Variants in PTPN12 observed in about 807,000 individuals in gnomAD.
PTPN12 encodes protein tyrosine phosphatase non-receptor type 12.
PTPN12 carries 29 observed loss-of-function variants against 97.6 expected under a neutral mutation model. The ratio of observed to expected loss-of-function variants is 0.30; its 90% CI spans 0.22 to 0.41. The LOEUF (loss-of-function observed/expected upper bound fraction) is 0.41. Among genes scored for constraint, PTPN12 ranks in the 10% least tolerant of loss-of-function variants. The pLI, the probability that PTPN12 is intolerant of heterozygous loss-of-function variation, is 1.00. For missense variants in PTPN12, 819 were observed against 926.0 expected (o/e 0.88, Z 1.50); for synonymous variants, 327 against 300.4 (o/e 1.09, Z -0.91).
chr7:77,546,840 A>G (rs1807243291), intron 1 of PTPN12, among the ~76,000 whole-genome samples: 1 of 152,222 alleles, frequency 6.6e-6, no homozygotes, highest in Non-Finnish European at 1.5e-5. Context: ...GAGAATGAAC[A>G]TGGGAGGAAC....
At chr7:77,605,744 C>T (rs118102496) in intron 8 of PTPN12, among the ~76,000 whole-genome samples, 2 of 151,734 alleles carry the variant, frequency 1.3e-5, no homozygotes, top group Admixed American at 6.6e-5. Context: ...AATAAAAAAA[C>T]CTATGGTATG....
chr7:77,600,015 C>G (rs1220053544), intron 7 of PTPN12, among the ~76,000 whole-genome samples: 2 of 152,052 alleles, frequency 1.3e-5, no homozygotes, highest in East Asian at 1.9e-4. Flanking sequence ...ATTGTATTGG[C>G]TGTTAAAGAA....
chr7:77,564,788 T>C (rs1384482735), intron 1 of PTPN12, among the ~76,000 whole-genome samples: 1 of 109,456 alleles, frequency 9.1e-6, no homozygotes, highest in Non-Finnish European at 1.8e-5. Context: ...AGACGGAATC[T>C]CGCCCTTGTG....
At chr7:77,571,019 A>G (rs1584124501) in intron 1 of PTPN12, 59 bp from the exon 2 acceptor site, 1 of 1,192,382 alleles carries the variant, frequency 8.4e-7, no homozygotes, top group East Asian at 2.9e-5. Flanking sequence ...AGATTTCATT[A>G]AAAATTTGAA....
intron 15 of PTPN12, among the ~76,000 whole-genome samples, chr7:77,636,086 C>A (rs1789580143): frequency 6.6e-6 from 1 of 152,092 alleles, no homozygotes; most frequent in South Asian, 2.1e-4. Flanking sequence ...GTATTGTTTT[C>A]TCAAGCTGTT....
intron 1 of PTPN12, among the ~76,000 whole-genome samples, chr7:77,569,512 T>G (rs756462057): frequency 3.5e-4 from 54 of 152,220 alleles, no homozygotes; most frequent in Non-Finnish European, 7.6e-4. Context: ...GGCTCACACC[T>G]GTAATCTCAG....
At chr7:77,582,906 A>G (rs1399696224) in intron 3 of PTPN12, among the ~76,000 whole-genome samples, 1 of 152,238 alleles carries the variant, frequency 6.6e-6, no homozygotes, top group South Asian at 2.1e-4. Flanking sequence ...ACATTAAATA[A>G]AAACTAATAA....
chr7:77,635,738 A>G, intron 14 of PTPN12, 44 bp from the exon 15 acceptor site: 1 of 1,296,606 alleles, frequency 7.7e-7, no homozygotes, highest in South Asian at 1.4e-5. Context: ...AAGAAATTTC[A>G]GAAATTCAAG....
At chr7:77,604,788 A>C (rs1282426037) in intron 8 of PTPN12, 1 of 294,046 alleles carries the variant, frequency 3.4e-6, no homozygotes, top group Non-Finnish European at 6.7e-6. Flanking sequence ...CAATATGTTT[A>C]TATCATATAT....
At chr7:77,589,469 C>T (rs1787797443) in intron 5 of PTPN12, among the ~76,000 whole-genome samples, 1 of 152,044 alleles carries the variant, frequency 6.6e-6, no homozygotes, top group South Asian at 2.1e-4. Flanking sequence ...TTACAAATTA[C>T]ATAGTGATTT....
intron 6 of PTPN12, among the ~76,000 whole-genome samples, chr7:77,596,178 C>A (rs1788018037): frequency 6.6e-6 from 1 of 152,134 alleles, no homozygotes; most frequent in Admixed American, 6.6e-5. Context: ...TTCGTTTAGA[C>A]ACTTTTTTTT....
In PTPN12 at chr7:77,592,229, A is replaced by C. The variant is rs923340603; in HGVS notation, c.465A>C (p.Ile155=). ...GGCCTTTGTATGGAGAAGACCCCATAACGTTTGCACCATTTAAAATTTCTT... is the reference window on the plus strand; with the variant it reads ...GGCCTTTGTATGGAGAAGACCCCATCACGTTTGCACCATTTAAAATTTCTT... The part of the protein sequence containing the change: ...RYWPLYGEDP[I]TFAPFKISCE... Residue 155 remains isoleucine (I), a synonymous_variant, in exon 6 of 18, where the codon ATA becomes ATC. Coordinates refer to ENST00000248594, the MANE Select transcript of PTPN12 (RefSeq NM_002835.4). The C allele has an allele frequency of 1.9e-6, 3 of 1,606,464 alleles. No homozygotes were observed. In the African/African-American group the frequency reaches 4.0e-5, roughly 22 times the overall value.
chr7:77,628,482 A>T (rs1789280359), intron 13 of PTPN12, among the ~76,000 whole-genome samples: 1 of 152,128 alleles, frequency 6.6e-6, no homozygotes, highest in Non-Finnish European at 1.5e-5. Context: ...TCACTTACCT[A>T]TCAGTGAACT....
rs11341609 is a variant in PTPN12, at chr7:77,582,084, C to CTTTTTTTTTTTTTTTTTTTTTTT, written c.285+587_285+609dup. Among the ~76,000 whole-genome samples, 11 of 52,868 alleles carry CTTTTTTTTTTTTTTTTTTTTTTT rather than the reference C, an allele frequency of 2.1e-4. 2 individuals carry two copies. Among genetic ancestry groups the CTTTTTTTTTTTTTTTTTTTTTTT allele is most frequent in the Non-Finnish European group, 2.3e-4 (7 of 30,310 alleles). The allele number at this position is 52,868 out of a possible 152,430, so 34.7% of individuals were successfully genotyped here. On this transcript the variant is annotated intron_variant, in intron 3 of 17. Coordinates refer to ENST00000248594, the MANE Select transcript of PTPN12 (RefSeq NM_002835.4). ...CCCTTTGATGAAAAGCAGTCAAGTT[C>CTTTTTTTTTTTTTTTTTTTTTTT]TTTTTTTTTTTTTTTTTTTTTTTTT...
rs1789229742 is a variant in PTPN12 at position 77,627,302 on chromosome 7, T to C, written c.1623T>C (p.Pro541=). Residue 541 remains proline (P), a synonymous_variant, in exon 13 of 18, where the codon CCT becomes CCC. Transcript: ENST00000248594. ...ATGTAACGTGGTCATTTCATGGACC[T>C]GAAAATGCCATACCCATACCTGATT... The part of the protein sequence containing the change: ...KGHVTWSFHG[P]ENAIPIPDLS... 6.2e-7 allele frequency: 1 copy of C among 1,614,196 alleles called. No homozygotes were observed. The highest frequency in any genetic ancestry group is 1.1e-5 in the South Asian group (1 of 91,082).
rs373325065 is a variant in PTPN12, at chr7:77,600,542, T to C, written c.553-122T>C. ...AAGTGTTGGCTATTATTTATTTGGG[T>C]TTTTTTAAAAGCAGTGCTAAATGCC... On this transcript the variant is annotated intron_variant, in intron 7 of 17. Transcript: ENST00000248594. 39 of 774,462 alleles carry C rather than the reference T, an allele frequency of 5.0e-5. 1 individual carries two copies. The highest frequency in any genetic ancestry group is 3.0e-4 in the East Asian group (11 of 36,300). 48.0% of individuals were successfully genotyped at this position (774,462 alleles called of 1,614,324 possible).
intron 2 of PTPN12, 100 bp downstream of exon 2, chr7:77,571,286 A>G: frequency 1.5e-6 from 1 of 684,566 alleles, no homozygotes; most frequent in Non-Finnish European, 2.5e-6. Context: ...TTAAGGAAGT[A>G]GTAATTAACC....
chr7:77,618,667 T>G lies in PTPN12; in HGVS notation c.1025+102T>G, dbSNP rs1161873428. ...AATATTTCTAAATTACTTTTATAACTTTTATTATTATTTTGTTAGGATGTA... is the reference window on the plus strand; with the variant it reads ...AATATTTCTAAATTACTTTTATAACGTTTATTATTATTTTGTTAGGATGTA... On this transcript the variant is annotated intron_variant, in intron 12 of 17. Coordinates refer to ENST00000248594, the MANE Select transcript of PTPN12 (RefSeq NM_002835.4). 7 of 778,694 alleles carry G rather than the reference T, an allele frequency of 9.0e-6. No individual in the cohort carries two copies. The East Asian group carries it at 1.7e-4, about 19-fold the overall frequency. 48.2% of individuals were successfully genotyped at this position (778,694 alleles called of 1,614,324 possible).
intron 12 of PTPN12, among the ~76,000 whole-genome samples, chr7:77,624,590 C>G (rs866746083): frequency 6.6e-6 from 1 of 151,912 alleles, no homozygotes; most frequent in Non-Finnish European, 1.5e-5. Flanking sequence ...CAGGCGCACG[C>G]TACCATGCCT....
Sources: gnomAD v4.1 joint callset for allele counts (sites outside exome capture counted in the v4.1 genomes callset) on GRCh38, gnomAD v4.1.1 for gene constraint, MANE v1.5 for transcripts, NCBI Gene and HGNC (gene_info 2026-07-23, HGNC 2026-07-21) for gene names.